The following MLIP variants were observed in gnomAD, a reference collection of about 807,000 sequenced individuals.
MLIP encodes the protein muscular LMNA-interacting protein.
In MLIP, 79 loss-of-function variants were observed where a neutral mutation model predicts 84.8. The ratio of observed to expected loss-of-function variants is 0.93; its 90% CI spans 0.78 to 1.12. The LOEUF (loss-of-function observed/expected upper bound fraction) is 1.12, where lower values mean the gene tolerates loss of function less well. Ranked by LOEUF, MLIP falls within the 50% of genes most tolerant of loss-of-function variation. The pLI is 0.00. For synonymous variants in MLIP, 504 were observed against 463.0 expected, an observed-to-expected ratio of 1.09 and a Z score of -1.14; for missense variants, 1,257 against 1,160.6, an observed-to-expected ratio of 1.08 and a Z score of -1.21.
At chr6:54,080,020 T>G (rs1046274472) in intron 1 of MLIP, among the ~76,000 whole-genome samples, 3 of 152,214 alleles carry the variant, frequency 2.0e-5, no homozygotes, top group Non-Finnish European at 4.4e-5. Flanking sequence ...CCAGGCATCC[T>G]GTTCTTAGAA....
intron 1 of MLIP, among the ~76,000 whole-genome samples, chr6:54,081,877 T>C (rs1031342138): frequency 3.9e-5 from 6 of 152,180 alleles, no homozygotes; most frequent in Non-Finnish European, 1.5e-5. Flanking sequence ...GTCACATTTT[T>C]CAGCTTATTT....
intron 9 of MLIP, among the ~76,000 whole-genome samples, chr6:54,175,004 C>G (rs887205703): frequency 5.3e-5 from 8 of 151,974 alleles, no homozygotes; most frequent in African/African-American, 1.7e-4. Context: ...ATTGAAAAGA[C>G]TATCTTTTCC....
At chr6:54,031,877 C>T (rs1173666856) in intron 1 of MLIP, among the ~76,000 whole-genome samples, 1 of 152,138 alleles carries the variant, frequency 6.6e-6, no homozygotes, top group East Asian at 1.9e-4. Context: ...TGCTGGCATG[C>T]TTGTTGCTGG....
At position 54,149,085 on chromosome 6, in the gene MLIP, T is replaced by C; in HGVS notation, c.2247T>C (p.Ala749=). Residue 749 remains alanine (A), a synonymous_variant, in exon 5 of 14, where the codon GCT becomes GCC. Coordinates refer to ENST00000502396, the MANE Select transcript of MLIP (RefSeq NM_001281747.2). ...KQYKTKSSYK[A]FAAIPTNTLL... ...ACAAGACCAAGTCAAGCTACAAGGC[T>C]TTTGCAGCAATCCCTACAAACACAT... The C allele has an allele frequency of 6.2e-7, 1 of 1,613,000 alleles. No homozygotes were observed. The highest frequency in any genetic ancestry group is 8.5e-7 in the Non-Finnish European group (1 of 1,179,254).
intron 12 of MLIP, among the ~76,000 whole-genome samples, chr6:54,252,417 T>A (rs1471502708): frequency 7.7e-6 from 1 of 129,050 alleles, no homozygotes; most frequent in Non-Finnish European, 1.5e-5. Flanking sequence ...AACTATAGTA[T>A]ATTATAACAT....
chr6:54,101,647 T>C (rs1006122125), intron 1 of MLIP, among the ~76,000 whole-genome samples: 5 of 152,148 alleles, frequency 3.3e-5, no homozygotes, highest in African/African-American at 1.2e-4. Flanking sequence ...ACATATTACC[T>C]TGGATATTTT....
At chr6:54,025,768 AT>A (rs202063367) in intron 1 of MLIP, among the ~76,000 whole-genome samples, 1,606 of 151,928 alleles carry the variant, frequency 0.011, 9 homozygotes, top group Admixed American at 0.016. Context: ...CTCATGTTTG[AT>A]TTTATTGGTG....
Position 54,137,165 on chromosome 6 carries a change from G to T in MLIP, c.1096G>T (p.Val366Phe). Reference protein sequence around the residue: ...LKSNSASYIPVRIVTHSLSPS... With the variant: ...LKSNSASYIPFRIVTHSLSPS... ...GTCGAATTCGGCCTCGTACATACCAGTCCGCATTGTCACGCATTCACTCTC... is the reference window on the plus strand; with the variant it reads ...GTCGAATTCGGCCTCGTACATACCATTCCGCATTGTCACGCATTCACTCTC... Residue 366 changes from valine to phenylalanine, a missense_variant, in exon 4 of 14, where the codon GTC becomes TTC. By Grantham distance (50) the Val-to-Phe change is conservative. Transcript: ENST00000502396. 4.6e-6 allele frequency: 7 copies of T among 1,535,980 alleles called. No homozygotes were observed. The highest frequency in any genetic ancestry group is 4.4e-6 in the Non-Finnish European group (5 of 1,146,858).
intron 1 of MLIP, among the ~76,000 whole-genome samples, chr6:54,071,185 TATC>T (rs1766462943): frequency 1.3e-5 from 2 of 152,102 alleles, no homozygotes; most frequent in Non-Finnish European, 2.9e-5. Flanking sequence ...AATAATAAAA[TATC>T]AACTACTGTA....
chr6:54,082,820 T>A (rs1384463323), intron 1 of MLIP, among the ~76,000 whole-genome samples: 2 of 151,264 alleles, frequency 1.3e-5, no homozygotes, highest in Non-Finnish European at 1.5e-5. Flanking sequence ...CAAATTATTT[T>A]ATTTAAAAAA....
At chr6:54,198,807 C>G (rs1436811176) in intron 10 of MLIP, among the ~76,000 whole-genome samples, 3 of 151,940 alleles carry the variant, frequency 2.0e-5, no homozygotes, top group Non-Finnish European at 2.9e-5. Flanking sequence ...TCCAGAGACA[C>G]AGTGGGAATT....
intron 4 of MLIP, among the ~76,000 whole-genome samples, chr6:54,141,645 T>C (rs1178458417): frequency 1.3e-5 from 2 of 152,152 alleles, no homozygotes; most frequent in Non-Finnish European, 2.9e-5. Flanking sequence ...GAGACTTTTT[T>C]TTCCCATGCA....
intron 9 of MLIP, among the ~76,000 whole-genome samples, chr6:54,182,255 G>A (rs1756865852): frequency 1.3e-5 from 2 of 152,154 alleles, no homozygotes; most frequent in Non-Finnish European, 2.9e-5. Context: ...TGTGGGCACT[G>A]GCTGAGCCCA....
intron 2 of MLIP, 99 bp downstream of exon 2, chr6:54,121,701 G>A: frequency 1.1e-6 from 1 of 911,506 alleles, no homozygotes; most frequent in Non-Finnish European, 1.6e-6. Flanking sequence ...CTTAAATTAA[G>A]GTGACTGTGA....
intron 9 of MLIP, among the ~76,000 whole-genome samples, chr6:54,185,255 A>G (rs190419626): frequency 5.3e-5 from 8 of 152,346 alleles, no homozygotes; most frequent in Non-Finnish European, 1.0e-4. Flanking sequence ...GTGATAAAAC[A>G]TATAAGTCAC....
chr6:54,195,772 T>G (rs1388953401), intron 10 of MLIP, among the ~76,000 whole-genome samples: 1 of 152,106 alleles, frequency 6.6e-6, no homozygotes, highest in African/African-American at 2.4e-5. Flanking sequence ...TCCCCAAGAC[T>G]AATGTTAGCA....
intron 1 of MLIP, among the ~76,000 whole-genome samples, chr6:54,100,083 A>T (rs1222657519): frequency 6.6e-6 from 1 of 152,190 alleles, no homozygotes; most frequent in Non-Finnish European, 1.5e-5. Context: ...ACTCAGGATT[A>T]TAATATGCTG....
At chr6:54,110,971 G>A (rs1769411703), upstream of MLIP, among the ~76,000 whole-genome samples, 2 of 152,180 alleles carry the variant, frequency 1.3e-5, no homozygotes, top group African/African-American at 4.8e-5. Context: ...TAAGGATAAA[G>A]TTACTGATAT....
chr6:54,231,013 G>T, intron 12 of MLIP, 96 bp downstream of exon 12: 1 of 961,458 alleles, frequency 1.0e-6, no homozygotes. Context: ...CATGTGTTAG[G>T]AATATTTAAA....
Sources: allele counts gnomAD v4.1 joint callset (sites outside exome capture counted in the v4.1 genomes callset), GRCh38; gene constraint gnomAD v4.1.1; transcripts MANE v1.5; gene names NCBI Gene and HGNC (gene_info 2026-07-23, HGNC 2026-07-21).